The following SOX5 variants were observed in gnomAD, a reference collection of about 807,000 sequenced individuals.
SOX5 encodes the protein SRY-box transcription factor 5.
A neutral mutation model predicts 92.0 loss-of-function variants in SOX5; 9 were observed. That is an observed-to-expected ratio of 0.10 (90% CI 0.06 to 0.17). The LOEUF (loss-of-function observed/expected upper bound fraction) is 0.17, where lower values mean the gene tolerates loss of function less well. SOX5 is among the 10% of genes least tolerant of loss of function. The pLI is 1.00. For synonymous variants in SOX5, 344 were observed against 336.3 expected (o/e 1.02, Z -0.25); for missense variants, 642 against 944.5 (o/e 0.68, Z 4.20).
At chr12:24,250,880 C>T (rs1019016790) in intron 3 of SOX5, among the ~76,000 whole-genome samples, 13 of 152,192 alleles carry the variant, frequency 8.5e-5, no homozygotes, top group Non-Finnish European at 1.5e-4. Flanking sequence ...GGCAGGCCCA[C>T]AATTCTGTGT....
At chr12:24,226,047 G>A (rs930830679) in intron 3 of SOX5, among the ~76,000 whole-genome samples, 2 of 152,102 alleles carry the variant, frequency 1.3e-5, no homozygotes, top group Admixed American at 6.5e-5. Flanking sequence ...TTGTTCTTTA[G>A]GAGAGTATTG....
At chr12:23,930,695 T>C (rs1941204035) in intron 1 of SOX5, among the ~76,000 whole-genome samples, 1 of 151,734 alleles carries the variant, frequency 6.6e-6, no homozygotes, top group Non-Finnish European at 1.5e-5. Flanking sequence ...TTATCTCCTC[T>C]TCACAAATGA....
At chr12:24,340,966 G>A (rs563665187) in intron 2 of SOX5, among the ~76,000 whole-genome samples, 33 of 152,274 alleles carry the variant, frequency 2.2e-4, no homozygotes, top group African/African-American at 7.5e-4. Context: ...AATGTACTCT[G>A]TGCGTCTAGC....
intron 7 of SOX5, among the ~76,000 whole-genome samples, chr12:23,653,244 A>G (rs146742279): frequency 2.6e-4 from 40 of 152,140 alleles, no homozygotes; most frequent in South Asian, 1.9e-3. Flanking sequence ...TTAGCTGTTT[A>G]TAGGTCCATG....
intron 2 of SOX5, among the ~76,000 whole-genome samples, chr12:24,335,870 C>T (rs980756570): frequency 1.4e-4 from 21 of 149,968 alleles, no homozygotes; most frequent in African/African-American, 3.9e-4. Context: ...CAACTGTCTG[C>T]TGTTATTAGT....
intron 9 of SOX5, among the ~76,000 whole-genome samples, chr12:23,576,325 A>G (rs1186115221): frequency 6.6e-6 from 1 of 152,178 alleles, no homozygotes; most frequent in Non-Finnish European, 1.5e-5. Context: ...CTGCTCTCCA[A>G]ATTCAACACG....
chr12:23,762,435 C>T, intron 3 of SOX5: 1 of 397,542 alleles, frequency 2.5e-6, no homozygotes, highest in Non-Finnish European at 4.4e-6. Flanking sequence ...ATAACACATA[C>T]CACAACAAAC....
intron 1 of SOX5, among the ~76,000 whole-genome samples, chr12:24,395,190 G>A (rs547792903): frequency 3.3e-5 from 5 of 151,836 alleles, no homozygotes; most frequent in Non-Finnish European, 7.4e-5. Context: ...TGAGAACTTC[G>A]CAATCACTCC....
intron 4 of SOX5, among the ~76,000 whole-genome samples, chr12:23,748,920 T>G (rs995786929): frequency 6.6e-6 from 1 of 151,964 alleles, no homozygotes; most frequent in Non-Finnish European, 1.5e-5. Flanking sequence ...ATACTAATGG[T>G]ATTTGCTACC....
chr12:24,380,587 A>AT (rs1207572422), intron 1 of SOX5, among the ~76,000 whole-genome samples: 1 of 152,190 alleles, frequency 6.6e-6, no homozygotes, highest in African/African-American at 2.4e-5. Flanking sequence ...GAAAACAAGG[A>AT]TTTTCAACCC....
chr12:24,005,902 A>G (rs1217575755), intron 4 of SOX5, among the ~76,000 whole-genome samples: 2 of 152,218 alleles, frequency 1.3e-5, no homozygotes, highest in Non-Finnish European at 1.5e-5. Flanking sequence ...TATTTACTGT[A>G]TATTTATTGC....
At chr12:24,331,578 G>A (rs958347664) in intron 2 of SOX5, among the ~76,000 whole-genome samples, 11 of 152,110 alleles carry the variant, frequency 7.2e-5, no homozygotes, top group East Asian at 5.8e-4. Flanking sequence ...GGCCGGGCGT[G>A]GTGGCTCACA....
chr12:23,749,844 C>A lies in SOX5; in HGVS notation c.568+5794G>T, dbSNP rs115407009. ...CAATAATAGTTATCCCAAAACATGGCATTTTTCACTTGTCATTCCTTCCTC... is the reference window on the plus strand; with the variant it reads ...CAATAATAGTTATCCCAAAACATGGAATTTTTCACTTGTCATTCCTTCCTC... On this transcript the variant is annotated intron_variant, in intron 4 of 14. Transcript: ENST00000451604. Among the ~76,000 whole-genome samples, 132 of 151,968 alleles carry A rather than the reference C, an allele frequency of 8.7e-4. 1 individual carries two copies. The highest frequency in any genetic ancestry group is 3.1e-3 in the African/African-American group (129 of 41,514).
chr12:23,798,546 C>T (rs1375736745), intron 3 of SOX5, among the ~76,000 whole-genome samples: 1 of 149,404 alleles, frequency 6.7e-6, no homozygotes, highest in Non-Finnish European at 1.5e-5. Flanking sequence ...TACATTTACA[C>T]ACACATATAT....
intron 1 of SOX5, among the ~76,000 whole-genome samples, chr12:23,911,869 T>C (rs1017825043): frequency 1.1e-4 from 17 of 152,092 alleles, no homozygotes; most frequent in Non-Finnish European, 2.4e-4. Flanking sequence ...CAGAAGAACA[T>C]CTTCGTGGCC....
At chr12:24,158,596 G>T (rs916547736) in intron 4 of SOX5, among the ~76,000 whole-genome samples, 1 of 151,892 alleles carries the variant, frequency 6.6e-6, no homozygotes, top group East Asian at 1.9e-4. Flanking sequence ...AATGGGGTTT[G>T]CCCCTTCAAA....
At chr12:24,304,506 G>T (rs943223207) in intron 2 of SOX5, among the ~76,000 whole-genome samples, 10 of 152,294 alleles carry the variant, frequency 6.6e-5, no homozygotes, top group African/African-American at 2.4e-4. Context: ...GAGGAAGATT[G>T]AGCAGTTTGG....
rs578135510 is a variant in SOX5 at position 24,123,480 on chromosome 12, G to A, written c.-2+89863C>T. 1.6e-3 allele frequency among the ~76,000 whole-genome samples: 242 copies of A among 152,168 alleles called. 1 individual carries two copies. Among genetic ancestry groups the A allele is most frequent in the African/African-American group, 5.3e-3 (222 of 41,512 alleles). ...TTATAGAAAAGCAACTTCCTCTTGT[G>A]CCTTCCCCAAACCCTTCCCCTTCAT... On this transcript the variant is annotated intron_variant, in intron 4 of 4. Transcript: ENST00000446891.
At chr12:24,391,520 G>A (rs1026285728) in intron 1 of SOX5, among the ~76,000 whole-genome samples, 11 of 152,088 alleles carry the variant, frequency 7.2e-5, no homozygotes, top group African/African-American at 1.4e-4. Flanking sequence ...AACTACAGAC[G>A]TCTCTTTAGC....
Sources: gnomAD v4.1 joint callset for allele counts (sites outside exome capture counted in the v4.1 genomes callset) on GRCh38, gnomAD v4.1.1 for gene constraint, MANE v1.5 for transcripts, NCBI Gene and HGNC (gene_info 2026-07-23, HGNC 2026-07-21) for gene names.